The following DCLK3 variants were observed in gnomAD, a reference collection of about 807,000 sequenced individuals.
DCLK3 encodes the protein doublecortin like kinase 3, also known as serine/threonine-protein kinase DCLK3.
Under a neutral mutation model 46.4 loss-of-function variants are expected in DCLK3, and 30 were observed. That is an observed-to-expected ratio of 0.65 (90% confidence interval 0.48 to 0.88). The LOEUF (loss-of-function observed/expected upper bound fraction) is 0.88. DCLK3 is among the 40% of genes least tolerant of loss of function. DCLK3 has a pLI of 0.00. For synonymous variants in DCLK3, 401 were observed against 339.2 expected (o/e 1.18, Z -2.00); for missense variants, 846 against 907.1 (o/e 0.93, Z 0.87).
chr3:36,723,957 C>T (rs1030354755), intron 2 of DCLK3, among the ~76,000 whole-genome samples: 16 of 152,178 alleles, frequency 1.1e-4, no homozygotes, highest in African/African-American at 3.6e-4. Context: ...CAACTTGTAC[C>T]ATGCACCTAG....
Position 36,715,339 on chromosome 3 carries a change from G to T in DCLK3, c.2443C>A (p.Gln815Lys). 3.1e-6 allele frequency: 5 copies of T among 1,614,118 alleles called. No individual in the cohort carries two copies. The South Asian group carries it at 4.4e-5, about 14-fold the overall frequency. Reference sequence around the variant, plus strand: ...TCCCAAGGTGGTGACTATGATACCTGCTCCACAACCCTCTTGTGCTGGCTC... The same window carrying T: ...TCCCAAGGTGGTGACTATGATACCTTCTCCACAACCCTCTTGTGCTGGCTC... ...FRSQHKRVVE[Q>K]VS Residue 815 changes from glutamine to lysine, a missense_variant, in exon 5 of 5, where the codon CAG becomes AAG. Physicochemically the swap from Gln to Lys is moderately conservative, Grantham distance 53. Transcript: ENST00000636136.
Position 36,737,992 on chromosome 3 carries a change from T to C in DCLK3, c.1175A>G (p.Lys392Arg), listed in dbSNP as rs1701289658. 6.2e-7 allele frequency: 1 copy of C among 1,614,222 alleles called. No homozygotes were observed. Reference protein sequence around the residue: ...ELRRPSKSMDKKEDRGPEDQE... With the variant: ...ELRRPSKSMDRKEDRGPEDQE... ...ATCCTCTGGGCCTCTGTCCTCTTTC[T>C]TGTCCATGCTCTTGCTGGGTCTCCT... Residue 392 changes from lysine (K) to arginine (R), a missense_variant, in exon 2 of 5, where the codon AAG becomes AGG. By Grantham distance (26) the Lys-to-Arg change is conservative. Transcript: ENST00000636136. This position sits in a 1 kb window ranked among gnomAD's most constrained non-coding sequence, Gnocchi z 4.4.
intron 4 of DCLK3, among the ~76,000 whole-genome samples, chr3:36,716,182 C>T (rs1700978055): frequency 6.6e-6 from 1 of 152,206 alleles, no homozygotes; most frequent in Admixed American, 6.5e-5. Context: ...AGGCAGAAAG[C>T]AGAAGAGATT....
At position 36,737,540 on chromosome 3, in the gene DCLK3, T is replaced by G. The variant is rs56028200; in HGVS notation, c.1627A>C (p.Arg543=). 1,336 of 1,614,154 alleles carry G rather than the reference T, an allele frequency of 8.3e-4. 29 individuals are homozygous for G. In the East Asian group the frequency reaches 0.028, roughly 34 times the overall value. ...DGNFAVVKEC[R]HRETRQAYAM... is the part of the protein sequence containing the mutation. ...TAGGCCTGCCTGGTCTCGCGGTGTC[T>G]GCACTCCTTCACGACAGCAAAGTTC... Residue 543 remains arginine (R), a synonymous_variant, in exon 2 of 5, where the codon AGA becomes CGA. Coordinates refer to ENST00000636136, the MANE Select transcript of DCLK3 (RefSeq NM_001394672.2). The surrounding 1 kb of genome is among the most constrained non-coding windows in gnomAD (Gnocchi z 4.4).
chr3:36,756,345 G>T (rs554603536), intron 1 of DCLK3, among the ~76,000 whole-genome samples: 23 of 152,352 alleles, frequency 1.5e-4, no homozygotes, highest in Admixed American at 3.3e-4. Context: ...ACTTCTGGGT[G>T]TGTGCACCAG....
intron 2 of DCLK3, among the ~76,000 whole-genome samples, chr3:36,727,172 C>A (rs1339542147): frequency 1.3e-5 from 2 of 152,070 alleles, no homozygotes; most frequent in African/African-American, 2.4e-5. Flanking sequence ...CCCTGTAATC[C>A]CAGCTACTCA....
rs1246955728 is a variant in DCLK3, at chr3:36,737,883, C to A, written c.1284G>T (p.Glu428Asp). The A allele has an allele frequency of 1.2e-6, 2 of 1,613,982 alleles. No homozygotes were observed. Among genetic ancestry groups the A allele is most frequent in the Admixed American group, 1.7e-5 (1 of 60,026 alleles). Residue 428 changes from glutamate (E) to aspartate (D), a missense_variant, in exon 2 of 5, where the codon GAG becomes GAT. This residue lies in a region of DCLK3 where 553 missense variants were observed against 543.0 expected (regional missense o/e 1.02). Transcript: ENST00000636136. The surrounding 1 kb of genome is among the most constrained non-coding windows in gnomAD (Gnocchi z 4.4). Reference protein sequence around the residue: ...VLPVTEEGLREVKKDTRPMSR... With the variant: ...VLPVTEEGLRDVKKDTRPMSR... ...TCATGGGCCTGGTGTCCTTCTTCAC[C>A]TCCCTCAGCCCCTCCTCTGTGACAG...
intron 2 of DCLK3, among the ~76,000 whole-genome samples, chr3:36,726,038 C>G (rs1032911380): frequency 2.0e-5 from 3 of 152,078 alleles, no homozygotes. Flanking sequence ...AAACTAATCA[C>G]AAGAGGTAAG....
intron 1 of DCLK3, among the ~76,000 whole-genome samples, chr3:36,744,317 T>C (rs938219869): frequency 6.6e-6 from 1 of 152,212 alleles, no homozygotes; most frequent in South Asian, 2.1e-4. Context: ...ACCTCCTGAA[T>C]ACATTAGATA....
At chr3:36,728,514 T>C (rs77028085) in intron 2 of DCLK3, among the ~76,000 whole-genome samples, 19,647 of 152,076 alleles carry the variant, frequency 0.13, 1,659 homozygotes, top group Non-Finnish European at 0.19. Flanking sequence ...AAAAGGCAAT[T>C]GGTGTCTCTC....
intron 1 of DCLK3, among the ~76,000 whole-genome samples, chr3:36,745,956 T>C (rs960675869): frequency 6.6e-6 from 1 of 152,202 alleles, no homozygotes; most frequent in African/African-American, 2.4e-5. Flanking sequence ...TCTATATTGA[T>C]CAGAGCTGTA....
intron 2 of DCLK3, 45 bp from the exon 3 acceptor site, chr3:36,721,704 A>T (rs1304373897): frequency 1.2e-6 from 2 of 1,612,960 alleles, no homozygotes; most frequent in Admixed American, 3.3e-5. Flanking sequence ...TGTGATTAGA[A>T]CAAAGAAGGG....
At chr3:36,759,304 T>C (rs1320005217) in intron 1 of DCLK3, among the ~76,000 whole-genome samples, 2 of 152,184 alleles carry the variant, frequency 1.3e-5, no homozygotes, top group African/African-American at 4.8e-5. Flanking sequence ...CCACAATTAG[T>C]TCTGACCAAT....
rs1700951395 is a variant in DCLK3, at chr3:36,714,593, G to A, written c.*735C>T. ...AAATGTTAACACGGTCACAGCCTGAGCGCCTGACTTCACATAGAAATGACT... is the reference window on the plus strand; with the variant it reads ...AAATGTTAACACGGTCACAGCCTGAACGCCTGACTTCACATAGAAATGACT... On this transcript the variant is annotated 3_prime_UTR_variant, in exon 5 of 5. Transcript: ENST00000636136. The A allele has an allele frequency of 6.6e-6, 1 of 152,216 alleles. No individual in the cohort carries two copies. Among genetic ancestry groups the A allele is most frequent in the Non-Finnish European group, 1.5e-5 (1 of 68,034 alleles). The allele number at this position is 152,216 out of a possible 1,614,324, so 9.4% of individuals were successfully genotyped here.
chr3:36,752,627 C>T (rs1469065960), intron 1 of DCLK3, among the ~76,000 whole-genome samples: 1 of 152,164 alleles, frequency 6.6e-6, no homozygotes, highest in Non-Finnish European at 1.5e-5. Flanking sequence ...TCATGAACAT[C>T]CTTCCTGCCT....
At chr3:36,724,552 C>T (rs773920435) in intron 2 of DCLK3, among the ~76,000 whole-genome samples, 11 of 151,988 alleles carry the variant, frequency 7.2e-5, no homozygotes, top group African/African-American at 1.9e-4. Context: ...ATTATGGGGG[C>T]GGGTCTTTCC....
intron 1 of DCLK3, among the ~76,000 whole-genome samples, chr3:36,739,336 T>C (rs1464474880): frequency 2.0e-5 from 3 of 152,194 alleles, no homozygotes; most frequent in African/African-American, 7.2e-5. Flanking sequence ...GCCCCCAGGA[T>C]GGGCCACACC....
chr3:36,738,328 T>C lies in DCLK3; in HGVS notation c.839A>G (p.Glu280Gly), dbSNP rs1357308444. The stretch of plus-strand genomic sequence containing the variant: ...TGCGTGCCTCTCTTCCAGAGTGGCT[T>C]CCCTGGGGGGCTTGCTACTGGGTTC... ...EPEPSSKPPR[E>G]ATLEERHARG... is the part of the protein sequence containing the mutation. Residue 280 changes from glutamate to glycine, a missense_variant, in exon 2 of 5, where the codon GAA becomes GGA. Transcript: ENST00000636136. The C allele has an allele frequency of 2.0e-6, 3 of 1,508,500 alleles. No individual in the cohort carries two copies. Among genetic ancestry groups the C allele is most frequent in the Admixed American group, 4.7e-5 (2 of 42,500 alleles). The allele number at this position is 1,508,500 out of a possible 1,614,324, so 93.4% of individuals were successfully genotyped here.
intron 3 of DCLK3, among the ~76,000 whole-genome samples, chr3:36,720,081 T>C (rs929938216): frequency 2.0e-5 from 3 of 152,164 alleles, no homozygotes; most frequent in Non-Finnish European, 4.4e-5. Context: ...CGGGAAGTGA[T>C]TAGATCATGG....
Sources: gnomAD v4.1 joint callset for allele counts (sites outside exome capture counted in the v4.1 genomes callset) on GRCh38, gnomAD v4.1.1 for gene constraint, gnomAD v4.1.1 regional missense constraint, Gnocchi (gnomAD v3.1) non-coding constraint, MANE v1.5 for transcripts, NCBI Gene and HGNC (gene_info 2026-07-23, HGNC 2026-07-21) for gene names.